MTHFD2L: variants seen among roughly 807,000 people sequenced by gnomAD.
MTHFD2L encodes the protein methylenetetrahydrofolate dehydrogenase (NADP+ dependent) 2 like.
MTHFD2L carries 29 observed loss-of-function variants against 34.9 expected under a neutral mutation model. That is an observed-to-expected ratio of 0.83 (90% confidence interval 0.62 to 1.13). The LOEUF (loss-of-function observed/expected upper bound fraction) is 1.13, where lower values mean the gene tolerates loss of function less well. Among genes scored for constraint, MTHFD2L ranks in the 50% most tolerant of loss-of-function variants. MTHFD2L has a pLI of 0.00. For synonymous variants in MTHFD2L, 167 were observed against 155.7 expected (o/e 1.07, Z -0.54); for missense variants, 481 against 446.5 (o/e 1.08, Z -0.70).
intron 5 of MTHFD2L, among the ~76,000 whole-genome samples, chr4:74,219,946 C>T (rs1737870045): frequency 6.6e-6 from 1 of 152,060 alleles, no homozygotes; most frequent in Non-Finnish European, 1.5e-5. Context: ...TGAAATTTAT[C>T]CTGATATACT....
chr4:74,211,774 T>G (rs1003114839), intron 5 of MTHFD2L, among the ~76,000 whole-genome samples: 6 of 152,178 alleles, frequency 3.9e-5, no homozygotes, highest in Admixed American at 3.3e-4. Flanking sequence ...AGCTGCTCTT[T>G]GTACTTATGG....
rs369164070 is a variant in MTHFD2L at position 74,152,933 on chromosome 4, C to G, written c.-296-7122C>G. Among the ~76,000 whole-genome samples the G allele has an allele frequency of 1.1e-4, 16 of 152,346 alleles. No individual in the cohort carries two copies. In the East Asian group the frequency reaches 2.5e-3, roughly 24 times the overall value. On this transcript the variant is annotated intron_variant, in intron 1 of 7. Transcript: ENST00000433372. ...AAATATCCTAGGGAACTTGCCTCTT[C>G]TAGCTGATGCTGCCAAGCTAAGCTT...
intron 1 of MTHFD2L, among the ~76,000 whole-genome samples, chr4:74,163,238 A>G (rs1220860378): frequency 6.6e-6 from 1 of 152,256 alleles, no homozygotes; most frequent in African/African-American, 2.4e-5. Context: ...TAGACCTACC[A>G]CTAGATCCTG....
chr4:74,195,430 CAAAGT>C (rs1393765920), intron 3 of MTHFD2L: 15 of 152,090 alleles, frequency 9.9e-5, no homozygotes, highest in African/African-American at 3.4e-4. Flanking sequence ...AATGTTCACT[CAAAGT>C]AGAGTAGTAT....
At chr4:74,251,554 T>C (rs1473429977) in intron 6 of MTHFD2L, among the ~76,000 whole-genome samples, 1 of 152,110 alleles carries the variant, frequency 6.6e-6, no homozygotes, top group African/African-American at 2.4e-5. Context: ...CTGTTCAGAG[T>C]AGTTTTTTCA....
At chr4:74,137,883 T>C (rs1318626510) in intron 1 of MTHFD2L, among the ~76,000 whole-genome samples, 1 of 152,002 alleles carries the variant, frequency 6.6e-6, no homozygotes, top group East Asian at 1.9e-4. Flanking sequence ...ATGTTCTTGC[T>C]CTTGTGTGGG....
upstream of MTHFD2L, among the ~76,000 whole-genome samples, chr4:74,156,086 AT>A: frequency 2.0e-5 from 3 of 152,054 alleles, no homozygotes; most frequent in African/African-American, 7.2e-5. Flanking sequence ...TGTGAATAAT[AT>A]TTTTTAATAT....
chr4:74,165,082 AAGG>A (rs1726378028), intron 1 of MTHFD2L: 1 of 555,838 alleles, frequency 1.8e-6, no homozygotes, highest in Middle Eastern at 8.9e-4. Flanking sequence ...TTAGAGTAAA[AAGG>A]GGCACGAATG....
At chr4:74,263,801 T>A (rs1258687746) in intron 6 of MTHFD2L, among the ~76,000 whole-genome samples, 2 of 152,034 alleles carry the variant, frequency 1.3e-5, no homozygotes, top group Non-Finnish European at 2.9e-5. Context: ...CCTATTTAGA[T>A]GCCTTTATTT....
chr4:74,247,788 A>G (rs968184854), intron 6 of MTHFD2L, among the ~76,000 whole-genome samples: 1 of 152,134 alleles, frequency 6.6e-6, no homozygotes, highest in African/African-American at 2.4e-5. Flanking sequence ...ACATTTAATG[A>G]TTTGCATATA....
At chr4:74,255,136 CAAAAAAAAA>C (rs34300013) in intron 6 of MTHFD2L, among the ~76,000 whole-genome samples, 1 of 69,180 alleles carries the variant, frequency 1.4e-5, no homozygotes, top group East Asian at 4.7e-4. Context: ...ACTCCATCTC[CAAAAAAAAA>C]AAAAAAAAAA....
At chr4:74,225,849 C>T (rs1448153465) in intron 6 of MTHFD2L, among the ~76,000 whole-genome samples, 1 of 151,970 alleles carries the variant, frequency 6.6e-6, no homozygotes, top group East Asian at 1.9e-4. Flanking sequence ...GAAGTCTAGA[C>T]TTTAGGGGAA....
At chr4:74,135,957 T>G (rs1722891096) in intron 1 of MTHFD2L, among the ~76,000 whole-genome samples, 1 of 152,000 alleles carries the variant, frequency 6.6e-6, no homozygotes, top group African/African-American at 2.4e-5. Flanking sequence ...CTCAACAAAC[T>G]GGGCATAGAA....
At chr4:74,155,572 AAAGT>A (rs1326138573), upstream of MTHFD2L, among the ~76,000 whole-genome samples, 2 of 152,154 alleles carry the variant, frequency 1.3e-5, no homozygotes, top group Non-Finnish European at 2.9e-5. Context: ...AATGTTAAAT[AAAGT>A]AATAGGCAAA....
intron 3 of MTHFD2L, among the ~76,000 whole-genome samples, chr4:74,193,251 G>A (rs997467383): frequency 6.6e-6 from 1 of 152,060 alleles, no homozygotes; most frequent in African/African-American, 2.4e-5. Context: ...CATTTTTGTG[G>A]CATTCACATT....
intron 2 of MTHFD2L, 126 bp downstream of exon 2, chr4:74,174,816 T>A: frequency 1.5e-6 from 1 of 649,490 alleles, no homozygotes; most frequent in Non-Finnish European, 2.3e-6. Flanking sequence ...TTATTAAAGA[T>A]TATTCAGTTA....
At chr4:74,222,924 C>A (rs1259460924) in intron 5 of MTHFD2L, among the ~76,000 whole-genome samples, 1 of 151,758 alleles carries the variant, frequency 6.6e-6, no homozygotes, top group Admixed American at 6.6e-5. Flanking sequence ...ATTAAAAAGT[C>A]AAAAAATAAC....
chr4:74,180,364 A>C (rs1729900801), intron 3 of MTHFD2L, among the ~76,000 whole-genome samples: 1 of 152,156 alleles, frequency 6.6e-6, no homozygotes, highest in African/African-American at 2.4e-5. Flanking sequence ...CAAATGAAAA[A>C]ATGAATGAGT....
intron 7 of MTHFD2L, among the ~76,000 whole-genome samples, chr4:74,291,003 C>CTTTTTTATTTTTTTTTTTTTTTTTTTTTT (rs1748854042): frequency 3.4e-5 from 1 of 29,272 alleles, no homozygotes; most frequent in Non-Finnish European, 6.5e-5. Context: ...TTTTCCTTTT[C>CTTTTTTATTTTTTTTTTTTTTTTTTTTTT]TTTTTTTTTT....
Sources: allele counts gnomAD v4.1 joint callset (sites outside exome capture counted in the v4.1 genomes callset), GRCh38; gene constraint gnomAD v4.1.1; transcripts MANE v1.5; gene names NCBI Gene and HGNC (gene_info 2026-07-23, HGNC 2026-07-21).